ATRNL1: variants seen among roughly 807,000 people sequenced by gnomAD.
The protein encoded by ATRNL1 is attractin like 1.
A neutral mutation model predicts 182.7 loss-of-function variants in ATRNL1; 95 were observed. The ratio of observed to expected loss-of-function variants is 0.52; its 90% CI spans 0.44 to 0.62. The LOEUF is 0.62. Ranked by LOEUF, ATRNL1 falls within the 20% of genes least tolerant of loss-of-function variation. ATRNL1 has a pLI of 0.00. For missense variants in ATRNL1, 1,471 were observed against 1,679.5 expected (o/e 0.88, Z 2.17); for synonymous variants, 576 against 568.3 (o/e 1.01, Z -0.19).
chr10:115,446,454 G>A (rs945778969), intron 21 of ATRNL1, among the ~76,000 whole-genome samples: 5 of 151,536 alleles, frequency 3.3e-5, no homozygotes, highest in African/African-American at 1.2e-4. Context: ...TTAATTTTGT[G>A]GAGTCAGTGT....
intron 24 of ATRNL1, among the ~76,000 whole-genome samples, chr10:115,496,259 G>A (rs1009114829): frequency 1.3e-5 from 2 of 152,000 alleles, no homozygotes; most frequent in East Asian, 3.9e-4. Context: ...ATGCAGACTT[G>A]TTTGTGCAGT....
intron 24 of ATRNL1, among the ~76,000 whole-genome samples, chr10:115,483,238 A>C (rs575618785): frequency 2.6e-5 from 4 of 151,424 alleles, no homozygotes; most frequent in Non-Finnish European, 5.9e-5. Flanking sequence ...ATAAATCAAC[A>C]ATAGTTTATA....
intron 10 of ATRNL1, among the ~76,000 whole-genome samples, chr10:115,252,071 G>C (rs1434020394): frequency 6.6e-6 from 1 of 152,158 alleles, no homozygotes; most frequent in East Asian, 1.9e-4. Context: ...CTGATGTCCA[G>C]GCTGGAGTGC....
chr10:115,905,364 G>A (rs1380560408), intron 28 of ATRNL1, among the ~76,000 whole-genome samples: 1 of 151,052 alleles, frequency 6.6e-6, no homozygotes, highest in African/African-American at 2.4e-5. Context: ...GGGACCATAT[G>A]CCTATACCAC....
intron 9 of ATRNL1, among the ~76,000 whole-genome samples, chr10:115,222,267 G>A (rs1171315072): frequency 2.0e-5 from 3 of 151,948 alleles, no homozygotes; most frequent in African/African-American, 7.3e-5. Context: ...CCAGAAGGAA[G>A]TAAAGAAAGA....
intron 26 of ATRNL1, among the ~76,000 whole-genome samples, chr10:115,624,294 CAT>C (rs1857956792): frequency 6.6e-6 from 1 of 151,908 alleles, no homozygotes; most frequent in African/African-American, 2.4e-5. Context: ...TTTGCAACTA[CAT>C]GTTTAAATTA....
chr10:115,753,557 T>C (rs540849890), intron 27 of ATRNL1, among the ~76,000 whole-genome samples: 1 of 152,334 alleles, frequency 6.6e-6, no homozygotes, highest in South Asian at 2.1e-4. Context: ...TGCCACATTT[T>C]CTTTATCCAG....
At chr10:115,346,428 A>G (rs1056735506) in intron 19 of ATRNL1, among the ~76,000 whole-genome samples, 2 of 152,212 alleles carry the variant, frequency 1.3e-5, no homozygotes, top group Non-Finnish European at 2.9e-5. Context: ...GTATGATAGC[A>G]TGTATCAGAC....
intron 10 of ATRNL1, among the ~76,000 whole-genome samples, chr10:115,242,262 C>T (rs1850454213): frequency 2.0e-5 from 3 of 151,958 alleles, no homozygotes; most frequent in African/African-American, 4.8e-5. Flanking sequence ...ATCTGGGAAA[C>T]AACTATATAA....
intron 28 of ATRNL1, among the ~76,000 whole-genome samples, chr10:115,908,548 T>C (rs2134513257): frequency 6.6e-6 from 1 of 152,276 alleles, no homozygotes; most frequent in South Asian, 2.1e-4. Flanking sequence ...TCCAGGATAA[T>C]CTCTCCATCT....
rs1953902820 is a variant in ATRNL1, at chr10:115,947,562, A to G, written c.*2783A>G. 2 of 152,670 alleles carry G rather than the reference A, an allele frequency of 1.3e-5. No homozygotes were observed. Among genetic ancestry groups the G allele is most frequent in the African/African-American group, 4.8e-5 (2 of 41,468 alleles). 9.5% of individuals were successfully genotyped at this position (152,670 alleles called of 1,614,324 possible). On this transcript the variant is annotated 3_prime_UTR_variant, in exon 29 of 29. Coordinates refer to ENST00000355044, the MANE Select transcript of ATRNL1 (RefSeq NM_207303.4). ...AAATTTTAAGAGGATTAGGATTCTC[A>G]TAATTCTTTAAATGAAAATTTGTTT...
At chr10:115,226,402 C>T (rs1849697347) in intron 9 of ATRNL1, among the ~76,000 whole-genome samples, 2 of 151,798 alleles carry the variant, frequency 1.3e-5, no homozygotes, top group African/African-American at 4.8e-5. Context: ...AAATGATAGA[C>T]TGAACTATAT....
chr10:115,517,171 A>G (rs898545689), intron 24 of ATRNL1, among the ~76,000 whole-genome samples: 3 of 151,816 alleles, frequency 2.0e-5, no homozygotes, highest in African/African-American at 4.8e-5. Flanking sequence ...TTCTTCCAAA[A>G]TTTTGCCATT....
intron 26 of ATRNL1, among the ~76,000 whole-genome samples, chr10:115,679,673 T>C (rs1265344171): frequency 2.6e-5 from 4 of 152,092 alleles, no homozygotes; most frequent in Non-Finnish European, 5.9e-5. Flanking sequence ...ATTGTAACAA[T>C]AGGCATGAAG....
chr10:115,372,465 T>C (rs1857448931), intron 19 of ATRNL1, among the ~76,000 whole-genome samples: 1 of 152,194 alleles, frequency 6.6e-6, no homozygotes, highest in African/African-American at 2.4e-5. Flanking sequence ...CCAAGAGTAA[T>C]GTCAAGAAGG....
intron 27 of ATRNL1, among the ~76,000 whole-genome samples, chr10:115,740,773 T>C (rs1435481251): frequency 6.6e-6 from 1 of 152,014 alleles, no homozygotes; most frequent in Non-Finnish European, 1.5e-5. Flanking sequence ...CCCAGAGTGC[T>C]GGGATTACAG....
chr10:115,501,961 A>G (rs893393765), intron 24 of ATRNL1, among the ~76,000 whole-genome samples: 1 of 152,150 alleles, frequency 6.6e-6, no homozygotes, highest in Non-Finnish European at 1.5e-5. Context: ...ATAGCTGATT[A>G]TAAAACCCCC....
intron 24 of ATRNL1, among the ~76,000 whole-genome samples, chr10:115,495,936 T>C (rs542290030): frequency 6.6e-6 from 1 of 152,216 alleles, no homozygotes; most frequent in Non-Finnish European, 1.5e-5. Flanking sequence ...CATCACCCAC[T>C]ATTATTGTGT....
chr10:115,169,373 A>AT (rs1337950511), intron 7 of ATRNL1, among the ~76,000 whole-genome samples: 24 of 151,628 alleles, frequency 1.6e-4, no homozygotes, highest in African/African-American at 5.1e-4. Context: ...TGCCCAGCTA[A>AT]TTTTTTTATA....
Sources: allele counts gnomAD v4.1 joint callset (sites outside exome capture counted in the v4.1 genomes callset), GRCh38; gene constraint gnomAD v4.1.1; transcripts MANE v1.5; gene names NCBI Gene and HGNC (gene_info 2026-07-23, HGNC 2026-07-21).